AGBL4: variants seen among roughly 807,000 people sequenced by gnomAD.
AGBL4 encodes the protein cytosolic carboxypeptidase 6.
In AGBL4, 58 loss-of-function variants were observed where a neutral mutation model predicts 66.4. That is an observed-to-expected ratio of 0.87 (90% CI 0.71 to 1.09). The LOEUF (loss-of-function observed/expected upper bound fraction) is 1.09, where lower values mean the gene tolerates loss of function less well. Ranked by LOEUF, AGBL4 falls within the 50% of genes least tolerant of loss-of-function variation. AGBL4 has a pLI of 0.00. For missense variants in AGBL4, 579 were observed against 631.0 expected (o/e 0.92, Z 0.88); for synonymous variants, 234 against 222.9 (o/e 1.05, Z -0.44).
intron 3 of AGBL4, among the ~76,000 whole-genome samples, chr1:49,590,770 G>A (rs1379319653): frequency 2.0e-5 from 3 of 151,860 alleles, no homozygotes; most frequent in Non-Finnish European, 2.9e-5. Flanking sequence ...AGAAAAATAT[G>A]CATTAAATAA....
At chr1:49,658,949 G>A (rs1183618145) in intron 3 of AGBL4, among the ~76,000 whole-genome samples, 2 of 151,918 alleles carry the variant, frequency 1.3e-5, no homozygotes, top group Non-Finnish European at 2.9e-5. Flanking sequence ...CATGGCACAT[G>A]TATACATATG....
intron 5 of AGBL4, among the ~76,000 whole-genome samples, chr1:49,007,757 A>T (rs1661985328): frequency 2.0e-5 from 3 of 151,690 alleles, no homozygotes. Flanking sequence ...TCAACCCAGA[A>T]TTTCATATCC....
intron 3 of AGBL4, among the ~76,000 whole-genome samples, chr1:49,502,723 A>T (rs1648282637): frequency 6.6e-6 from 1 of 152,112 alleles, no homozygotes; most frequent in Non-Finnish European, 1.5e-5. Context: ...GACTCTTGCT[A>T]TGCTTTAGTA....
rs534924927 is a variant in AGBL4 at position 48,658,388 on chromosome 1, C to G, written c.724+4764G>C. Among the ~76,000 whole-genome samples, 8 of 152,328 alleles carry G rather than the reference C, an allele frequency of 5.3e-5. No individual in the cohort carries two copies. The East Asian group carries it at 1.5e-3, about 29-fold the overall frequency. The stretch of plus-strand genomic sequence containing the variant: ...GGAAGGGCCAAGGTTTGAAGCAAGA[C>G]AGTTTGAGGTCTCTGCTTGGCCCAG... On this transcript the variant is annotated intron_variant, in intron 7 of 13. Coordinates refer to ENST00000371839, the MANE Select transcript of AGBL4 (RefSeq NM_032785.4).
intron 1 of AGBL4, among the ~76,000 whole-genome samples, chr1:49,919,253 A>C (rs150892888): frequency 6.6e-6 from 1 of 152,156 alleles, no homozygotes; most frequent in Admixed American, 6.5e-5. Flanking sequence ...GGCAGGAGAA[A>C]GAAATAAAGG....
intron 5 of AGBL4, among the ~76,000 whole-genome samples, chr1:49,044,977 T>C (rs1240577026): frequency 6.6e-6 from 1 of 152,216 alleles, no homozygotes; most frequent in Non-Finnish European, 1.5e-5. Context: ...CTACCATATT[T>C]GTGGTAGTTT....
At chr1:49,633,687 G>A (rs1190911839) in intron 3 of AGBL4, among the ~76,000 whole-genome samples, 1 of 151,546 alleles carries the variant, frequency 6.6e-6, no homozygotes, top group Non-Finnish European at 1.5e-5. Context: ...AAATAAAGCA[G>A]ATAAAATGTT....
chr1:49,319,390 A>C (rs1051199840), intron 3 of AGBL4, among the ~76,000 whole-genome samples: 5 of 152,204 alleles, frequency 3.3e-5, no homozygotes, highest in African/African-American at 1.2e-4. Flanking sequence ...TTAACACAAT[A>C]AAAGTTTATT....
chr1:49,924,027 A>T (rs1203895412), intron 1 of AGBL4, among the ~76,000 whole-genome samples: 7 of 152,236 alleles, frequency 4.6e-5, no homozygotes, highest in Non-Finnish European at 1.0e-4. Flanking sequence ...GTGTATGTTA[A>T]TTGCAGCACT....
At chr1:49,613,521 G>A (rs1044643745) in intron 3 of AGBL4, among the ~76,000 whole-genome samples, 1 of 152,174 alleles carries the variant, frequency 6.6e-6, no homozygotes, top group Non-Finnish European at 1.5e-5. Context: ...ATTACTGCCT[G>A]AGCTTTGCCT....
intron 2 of AGBL4, among the ~76,000 whole-genome samples, chr1:49,769,963 T>C (rs1365534991): frequency 6.6e-6 from 1 of 152,162 alleles, no homozygotes; most frequent in Non-Finnish European, 1.5e-5. Flanking sequence ...AATTGACAAG[T>C]GGGACCTAAT....
chr1:49,406,055 T>C (rs936902211), intron 3 of AGBL4, among the ~76,000 whole-genome samples: 1 of 152,210 alleles, frequency 6.6e-6, no homozygotes, highest in Non-Finnish European at 1.5e-5. Flanking sequence ...AATCTTAACA[T>C]AGCAGCAATG....
intron 4 of AGBL4, among the ~76,000 whole-genome samples, chr1:49,063,939 A>T (rs1346874919): frequency 6.6e-6 from 1 of 152,204 alleles, no homozygotes; most frequent in Admixed American, 6.5e-5. Context: ...CAGTAGTGAG[A>T]AGAGAGATAT....
intron 1 of AGBL4, among the ~76,000 whole-genome samples, chr1:49,935,260 A>G (rs9436440): frequency 0.049 from 7,477 of 152,296 alleles, 564 homozygotes; most frequent in African/African-American, 0.16. Flanking sequence ...TCAAACTGCA[A>G]GGCGGCAGCA....
At chr1:49,824,217 A>G (rs1645447464) in intron 2 of AGBL4, among the ~76,000 whole-genome samples, 1 of 152,188 alleles carries the variant, frequency 6.6e-6, no homozygotes, top group South Asian at 2.1e-4. Flanking sequence ...TCAAAAACAA[A>G]ACAAAACAGA....
chr1:49,918,021 G>A (rs1051992197), intron 1 of AGBL4, among the ~76,000 whole-genome samples: 1 of 152,258 alleles, frequency 6.6e-6, no homozygotes, highest in Admixed American at 6.5e-5. Context: ...AAATAAAGAT[G>A]TTCTTTGAAA....
rs558276207 is a variant in AGBL4, at chr1:49,844,638, C to T, written c.157+6758G>A. On this transcript the variant is annotated intron_variant, in intron 2 of 13. Coordinates refer to ENST00000371839, the MANE Select transcript of AGBL4 (RefSeq NM_032785.4). Reference sequence around the variant, plus strand: ...TCCTCTTCCCATCTCACCACAAACTCTTTTGCCCTGGAACAGAGATTAAGG... The same window carrying T: ...TCCTCTTCCCATCTCACCACAAACTTTTTTGCCCTGGAACAGAGATTAAGG... 7 of 1,530,852 alleles carry T rather than the reference C, an allele frequency of 4.6e-6. No individual in the cohort carries two copies. In the African/African-American group the frequency reaches 6.9e-5, roughly 15 times the overall value. 94.8% of individuals were successfully genotyped at this position (1,530,852 alleles called of 1,614,324 possible). A position where few individuals can be genotyped will look rare whatever the true frequency, so the allele number is the denominator to read the frequency against.
chr1:49,244,499 C>T (rs550654135), intron 4 of AGBL4, among the ~76,000 whole-genome samples: 51 of 151,774 alleles, frequency 3.4e-4, no homozygotes, highest in Non-Finnish European at 6.8e-4. Flanking sequence ...CAAATGCCTA[C>T]ACTTTTATAA....
At chr1:48,981,850 T>C (rs1297368051) in intron 5 of AGBL4, among the ~76,000 whole-genome samples, 1 of 152,152 alleles carries the variant, frequency 6.6e-6, no homozygotes, top group Non-Finnish European at 1.5e-5. Flanking sequence ...GAGCCAAGAT[T>C]GTGCCATTGC....
Sources: gnomAD v4.1 joint callset for allele counts (sites outside exome capture counted in the v4.1 genomes callset) on GRCh38, gnomAD v4.1.1 for gene constraint, MANE v1.5 for transcripts, NCBI Gene and HGNC (gene_info 2026-07-23, HGNC 2026-07-21) for gene names.